The following OTC variants were observed in gnomAD, a reference collection of about 807,000 sequenced individuals.
OTC encodes ornithine transcarbamylase.
Under a neutral mutation model 30.3 loss-of-function variants are expected in OTC, and 3 were observed. The observed-to-expected ratio is 0.10, with a 90% CI of 0.05 to 0.26. The LOEUF is 0.26. Ranked by LOEUF, OTC falls within the 10% of genes least tolerant of loss-of-function variation. The pLI, the probability that OTC is intolerant of heterozygous loss-of-function variation, is 1.00. For synonymous variants in OTC, 111 were observed against 99.7 expected (o/e 1.11, Z -0.67); for missense variants, 194 against 260.3 (o/e 0.75, Z 1.75).
chrX:38,374,734 T>C (rs2068337415), intron 3 of OTC, among the ~76,000 whole-genome samples: 1 of 111,175 alleles, frequency 9.0e-6, no homozygotes, highest in South Asian at 3.8e-4. Flanking sequence ...TACCAGGAGG[T>C]CCGAAACTTT....
chrX:38,339,473 G>A, the OTC span, among the ~76,000 whole-genome samples: 1 of 109,231 alleles, frequency 9.2e-6, no homozygotes, highest in African/African-American at 3.3e-5. Context: ...TCCTGTCACA[G>A]GGGTTCGTTG....
intron 9 of OTC, among the ~76,000 whole-genome samples, chrX:38,412,468 G>A (rs1018270695): frequency 8.9e-6 from 1 of 111,888 alleles, no homozygotes; most frequent in African/African-American, 3.2e-5. Context: ...TGGCCATAGG[G>A]ATATATGTGT....
At chrX:38,394,764 A>C (rs192241967) in intron 4 of OTC, among the ~76,000 whole-genome samples, 165 of 111,519 alleles carry the variant, frequency 1.5e-3, no homozygotes, top group Non-Finnish European at 2.6e-3. Flanking sequence ...TAATAATCTG[A>C]AGATATAATT....
chrX:38,332,504 T>TTATATATATACATATATATA, the OTC span, among the ~76,000 whole-genome samples: 1 of 39,381 alleles, frequency 2.5e-5, no homozygotes, highest in African/African-American at 8.8e-5. Flanking sequence ...GCCCTAGATT[T>TTATATATATACATATATATA]TATATATATA....
chrX:38,327,758 C>CA, the OTC span, among the ~76,000 whole-genome samples: 1 of 113,058 alleles, frequency 8.8e-6, no homozygotes, highest in African/African-American at 3.2e-5. Flanking sequence ...CCAGGCGCCG[C>CA]AGGGACCCTG....
intron 5 of OTC, 48 bp from the exon 6 acceptor site, chrX:38,403,570 A>T (rs1192369843): frequency 8.4e-7 from 1 of 1,183,987 alleles, no homozygotes; most frequent in South Asian, 1.8e-5. Flanking sequence ...TGCTACACAT[A>T]AGCGAATTTA....
In OTC at chrX:38,403,844, G is replaced by A. The variant is rs907329155; in HGVS notation, c.663+104G>A. 4.4e-6 allele frequency: 4 copies of A among 899,045 alleles called. No individual in the cohort carries two copies. The African/African-American group carries it at 5.8e-5, about 13-fold the overall frequency. 74.1% of individuals were successfully genotyped at this position (899,045 alleles called of 1,213,427 possible). A position where few individuals can be genotyped will look rare whatever the true frequency, so the allele number is the denominator to read the frequency against. On this transcript the variant is annotated intron_variant, in intron 6 of 9. Coordinates refer to ENST00000039007, the MANE Select transcript of OTC (RefSeq NM_000531.6). Reference sequence around the variant, plus strand: ...TCTCTTCCATTTAAGTATAGCACAGGTGAGGCCACAGAATTTAGGTTACGT... The same window carrying A: ...TCTCTTCCATTTAAGTATAGCACAGATGAGGCCACAGAATTTAGGTTACGT...
chrX:38,391,527 C>G (rs17274134), intron 4 of OTC, among the ~76,000 whole-genome samples: 18,358 of 110,984 alleles, frequency 0.17, 1,709 homozygotes, highest in East Asian at 0.61. Flanking sequence ...TAGAATTGGT[C>G]TTGCTATGAT....
At chrX:38,352,834 T>G in intron 1 of OTC, 61 bp downstream of exon 1, 1 of 844,769 alleles carries the variant, frequency 1.2e-6, no homozygotes, top group Non-Finnish European at 1.8e-6. Flanking sequence ...TAAAACTATA[T>G]TCTGCAGTAA....
chrX:38,335,511 C>T, the OTC span, among the ~76,000 whole-genome samples: 1 of 112,583 alleles, frequency 8.9e-6, no homozygotes, highest in African/African-American at 3.2e-5. Context: ...AGATTAATAG[C>T]TTTTTCATGC....
chrX:38,394,443 C>G (rs959995819), intron 4 of OTC, among the ~76,000 whole-genome samples: 1 of 111,966 alleles, frequency 8.9e-6, no homozygotes, highest in African/African-American at 3.2e-5. Context: ...TCTTATATAA[C>G]TTTCTATAGA....
intron 3 of OTC, among the ~76,000 whole-genome samples, chrX:38,373,097 G>A (rs1487474034): frequency 2.7e-5 from 3 of 112,050 alleles, no homozygotes; most frequent in African/African-American, 9.7e-5. Context: ...CGTATAGATC[G>A]ATGAATTCTT....
chrX:38,364,324 C>G (rs973692606), intron 1 of OTC, among the ~76,000 whole-genome samples: 3 of 111,548 alleles, frequency 2.7e-5, no homozygotes, highest in Non-Finnish European at 5.6e-5. Flanking sequence ...AAGTTGAGGA[C>G]CACTGCTTTA....
At chrX:38,367,581 A>C in intron 2 of OTC, 152 bp downstream of exon 2, 2 of 489,138 alleles carry the variant, frequency 4.1e-6, no homozygotes, top group Non-Finnish European at 7.0e-6. Context: ...ATTATCATGG[A>C]GCATACAGGC....
intron 3 of OTC, among the ~76,000 whole-genome samples, chrX:38,379,042 G>A (rs2068363575): frequency 9.0e-6 from 1 of 111,547 alleles, no homozygotes; most frequent in African/African-American, 3.3e-5. Context: ...GGGTCAGGCA[G>A]GGAGAGGTGG....
chrX:38,407,184 TG>T (rs1367560291), intron 6 of OTC, among the ~76,000 whole-genome samples: 3 of 112,756 alleles, frequency 2.7e-5, no homozygotes. Flanking sequence ...TCCATTCATC[TG>T]TCTGGAGTTG....
intron 4 of OTC, among the ~76,000 whole-genome samples, chrX:38,384,288 C>T (rs2068391200): frequency 1.8e-5 from 2 of 111,453 alleles, no homozygotes; most frequent in Non-Finnish European, 3.8e-5. Context: ...AAGCATAGTA[C>T]AATATCAGAA....
At chrX:38,331,712 A>G in the OTC span, among the ~76,000 whole-genome samples, 1 of 109,342 alleles carries the variant, frequency 9.1e-6, no homozygotes, top group Non-Finnish European at 1.9e-5. Context: ...CCTCCCGAAT[A>G]GCTGGAACCA....
intron 1 of OTC, among the ~76,000 whole-genome samples, chrX:38,356,836 A>G (rs113788959): frequency 0.019 from 2,106 of 111,774 alleles, 18 homozygotes; most frequent in Middle Eastern, 0.051. Context: ...GGTATGTGGC[A>G]ACAGTGAGGA....
Sources: gnomAD v4.1 joint callset for allele counts (sites outside exome capture counted in the v4.1 genomes callset) on GRCh38, gnomAD v4.1.1 for gene constraint, MANE v1.5 for transcripts, NCBI Gene and HGNC (gene_info 2026-07-23, HGNC 2026-07-21) for gene names.